CRY2: variants seen among roughly 807,000 people sequenced by gnomAD.
The protein encoded by CRY2 is cryptochrome-2.
In CRY2, 31 loss-of-function variants were observed where a neutral mutation model predicts 69.5. The observed-to-expected ratio is 0.45, with a 90% CI of 0.34 to 0.60. The LOEUF is 0.60. Among genes scored for constraint, CRY2 ranks in the 20% least tolerant of loss-of-function variants. The pLI is 0.02. For missense variants in CRY2, 606 were observed against 797.8 expected (o/e 0.76, Z 2.90); for synonymous variants, 303 against 312.2 (o/e 0.97, Z 0.31).
intron 9 of CRY2, 49 bp from the exon 10 acceptor site, chr11:45,870,793 C>G (rs987645619): frequency 5.3e-6 from 8 of 1,516,586 alleles, no homozygotes; most frequent in Non-Finnish European, 7.3e-6. Context: ...CTGTAGCCCT[C>G]TGCAATCCTG....
chr11:45,854,593 G>T (rs1281411250), intron 1 of CRY2, among the ~76,000 whole-genome samples: 7 of 152,206 alleles, frequency 4.6e-5, no homozygotes, highest in Admixed American at 4.6e-4. Flanking sequence ...GAAAGCTGAG[G>T]CAGGAGAATC....
At position 45,861,999 on chromosome 11, in the gene CRY2, C is replaced by G. The variant is rs532750760; in HGVS notation, c.653-61C>G. ...CATAAAGTTCAAATAACAGAACAGC[C>G]GTGCCGGGCTATCACTGAAATGGTC... On this transcript the variant is annotated intron_variant, in intron 4 of 11. Coordinates refer to ENST00000616080, the MANE Select transcript of CRY2 (RefSeq NM_021117.5). 3.5e-5 allele frequency: 48 copies of G among 1,388,754 alleles called. No homozygotes were observed. In the South Asian group the frequency reaches 5.0e-4, roughly 14 times the overall value. The allele number at this position is 1,388,754 out of a possible 1,614,324, so 86.0% of individuals were successfully genotyped here.
intron 5 of CRY2, 80 bp downstream of exon 5, chr11:45,862,228 T>G (rs1212155083): frequency 7.5e-7 from 1 of 1,324,780 alleles, no homozygotes; most frequent in Non-Finnish European, 1.0e-6. Flanking sequence ...CCATGTCCTT[T>G]AGTCCCTCTT....
chr11:45,860,628 A>ACTGAGGC (rs2086279793), intron 3 of CRY2, among the ~76,000 whole-genome samples: 1 of 151,938 alleles, frequency 6.6e-6, no homozygotes, highest in African/African-American at 2.4e-5. Context: ...TTGCTCCATT[A>ACTGAGGC]CTGAGGCACC....
At chr11:45,876,628 G>A (rs2134651096) in intron 11 of CRY2, among the ~76,000 whole-genome samples, 2 of 152,296 alleles carry the variant, frequency 1.3e-5, no homozygotes, top group East Asian at 3.9e-4. Context: ...AAGCCCCACT[G>A]AATACAAAAG....
At chr11:45,858,628 G>A in intron 2 of CRY2, 103 bp from the exon 3 acceptor site, 2 of 1,251,544 alleles carry the variant, frequency 1.6e-6, no homozygotes, top group South Asian at 1.6e-5. Flanking sequence ...CCATCAGATA[G>A]GTCTCTAGAC....
intron 6 of CRY2, 65 bp from the exon 7 acceptor site, chr11:45,869,441 C>A (rs543659434): frequency 2.0e-6 from 3 of 1,512,898 alleles, no homozygotes; most frequent in Non-Finnish European, 2.7e-6. Context: ...GTAGAAGAGA[C>A]CTGAGAGGCA....
In CRY2 at chr11:45,860,897, C is replaced by G; in HGVS notation, c.517C>G (p.Gln173Glu). 6.2e-7 allele frequency: 1 copy of G among 1,614,192 alleles called. No individual in the cohort carries two copies. Among genetic ancestry groups the G allele is most frequent in the Non-Finnish European group, 8.5e-7 (1 of 1,180,052 alleles). The stretch of plus-strand genomic sequence containing the variant: ...GCCACCCCTTACATACAAGCGCTTT[C>G]AGGCCATCATCAGCCGCATGGAGCT... ...QKPPLTYKRF[Q>E]AIISRMELPK... is the part of the protein sequence containing the mutation. The change falls in exon 4 of 12, where the codon CAG (glutamine) becomes GAG (glutamate). Residue 173 changes from glutamine to glutamate, a missense_variant. Gln to Glu is a conservative substitution (Grantham distance 29). Transcript: ENST00000616080.
intron 11 of CRY2, among the ~76,000 whole-genome samples, chr11:45,878,280 CA>C (rs2086439170): frequency 6.6e-6 from 1 of 152,192 alleles, no homozygotes; most frequent in African/African-American, 2.4e-5. Flanking sequence ...CCAGGAACCC[CA>C]GATTAACAGC....
intron 11 of CRY2, among the ~76,000 whole-genome samples, chr11:45,878,564 A>G (rs2086441846): frequency 6.6e-6 from 1 of 152,240 alleles, no homozygotes; most frequent in African/African-American, 2.4e-5. Flanking sequence ...TAGCAAAAAA[A>G]TGGCTAGGTT....
chr11:45,855,236 C>G (rs1370955269), intron 1 of CRY2, among the ~76,000 whole-genome samples: 6 of 150,292 alleles, frequency 4.0e-5, no homozygotes, highest in South Asian at 2.1e-4. Context: ...GGATGAGAAC[C>G]TGATCACCAG....
chr11:45,867,860 C>G, intron 6 of CRY2, 108 bp downstream of exon 6: 2 of 1,453,196 alleles, frequency 1.4e-6, no homozygotes, highest in South Asian at 1.2e-5. Flanking sequence ...TGGGCTATGG[C>G]CCCTGGAAGG....
At chr11:45,879,153 T>G (rs571272861) in intron 11 of CRY2, among the ~76,000 whole-genome samples, 3 of 148,740 alleles carry the variant, frequency 2.0e-5, no homozygotes, top group Non-Finnish European at 4.5e-5. Flanking sequence ...CGCTTGAACC[T>G]GGGAGGCAGA....
Position 45,881,404 on chromosome 11 carries a change from A to T in CRY2, c.*493A>T, listed in dbSNP as rs997205852. On this transcript the variant is annotated 3_prime_UTR_variant, in exon 12 of 12. Coordinates refer to ENST00000616080, the MANE Select transcript of CRY2 (RefSeq NM_021117.5). ...AGCCCTGCTGAGTTCCTGCTTTCTG[A>T]CCTGGAGGCTGAGCAGGCCGGAGTG... is the stretch of plus-strand genomic sequence containing the variant. The T allele has an allele frequency of 1.3e-5, 2 of 152,598 alleles. No individual in the cohort carries two copies. Among genetic ancestry groups the T allele is most frequent in the African/African-American group, 4.8e-5 (2 of 41,428 alleles). The allele number at this position is 152,598 out of a possible 1,614,324, so 9.5% of individuals were successfully genotyped here.
chr11:45,868,514 T>C (rs901025598), intron 6 of CRY2, among the ~76,000 whole-genome samples: 8 of 152,180 alleles, frequency 5.3e-5, no homozygotes, highest in Admixed American at 3.9e-4. Flanking sequence ...AGATAGGGTC[T>C]TGCTATGTTG....
intron 7 of CRY2, 41 bp downstream of exon 7, chr11:45,869,858 G>A: frequency 2.6e-6 from 4 of 1,560,280 alleles, no homozygotes; most frequent in Non-Finnish European, 3.5e-6. Context: ...GTACCCTCTG[G>A]TCAGGCCCGT....
chr11:45,875,656 TG>T (rs2086419525), intron 11 of CRY2, among the ~76,000 whole-genome samples: 2 of 152,206 alleles, frequency 1.3e-5, no homozygotes, highest in Non-Finnish European at 2.9e-5. Context: ...CTGTGAAGGT[TG>T]GGGGTGCAGA....
chr11:45,855,992 C>T lies in CRY2; in HGVS notation c.226C>T (p.Gln76Ter). ...VGINRWRFLL[Q>*]SLEDLDTSLR... The stretch of plus-strand genomic sequence containing the variant: ...GTGTGGACTCCACAGGTTCCTACTT[C>T]AGTCTCTGGAAGATTTGGACACAAG... The change falls in exon 2 of 12, where the codon CAG becomes TAG. Residue 76 changes from glutamine to a stop codon, truncating the protein, a stop_gained. Coordinates refer to ENST00000616080, the MANE Select transcript of CRY2 (RefSeq NM_021117.5). LOFTEE classifies it high-confidence loss of function. 6.2e-7 allele frequency: 1 copy of T among 1,614,048 alleles called. No homozygotes were observed. The highest frequency in any genetic ancestry group is 8.5e-7 in the Non-Finnish European group (1 of 1,179,894).
intron 3 of CRY2, among the ~76,000 whole-genome samples, 167 bp downstream of exon 3, chr11:45,859,040 A>T (rs2086265140): frequency 6.6e-6 from 1 of 152,182 alleles, no homozygotes; most frequent in Non-Finnish European, 1.5e-5. Flanking sequence ...CCTGTAGAAC[A>T]GGTCACAAAG....
Sources: gnomAD v4.1 joint callset for allele counts (sites outside exome capture counted in the v4.1 genomes callset) on GRCh38, gnomAD v4.1.1 for gene constraint, MANE v1.5 for transcripts, NCBI Gene and HGNC (gene_info 2026-07-23, HGNC 2026-07-21) for gene names.